TENM3: variants seen among roughly 807,000 people sequenced by gnomAD.
The protein encoded by TENM3 is teneurin transmembrane protein 3.
A neutral mutation model predicts 255.1 loss-of-function variants in TENM3; 63 were observed. That is an observed-to-expected ratio of 0.25 (90% CI 0.20 to 0.30). The LOEUF (loss-of-function observed/expected upper bound fraction) is 0.30, where lower values mean the gene tolerates loss of function less well. Ranked by LOEUF, TENM3 falls within the 10% of genes least tolerant of loss-of-function variation. The probability of loss-of-function intolerance (pLI) is 1.00; values close to 1 mark genes in which losing one functional copy is unlikely to be tolerated. For missense variants in TENM3, 2,929 were observed against 3,461.1 expected (o/e 0.85, Z 3.86); for synonymous variants, 1,306 against 1,322.3 (o/e 0.99, Z 0.27).
chr4:181,728,420 T>C, the TENM3 span, among the ~76,000 whole-genome samples: 1 of 152,208 alleles, frequency 6.6e-6, no homozygotes, highest in African/African-American at 2.4e-5. Flanking sequence ...ATTTCTTGAT[T>C]ATATGCTAAA....
chr4:181,724,440 C>G, the TENM3 span, among the ~76,000 whole-genome samples: 1 of 151,834 alleles, frequency 6.6e-6, no homozygotes, highest in Non-Finnish European at 1.5e-5. Context: ...ATTTTATTTT[C>G]TAATATACTA....
the TENM3 span, among the ~76,000 whole-genome samples, chr4:181,569,649 T>A: frequency 0.18 from 27,672 of 152,028 alleles, 2,911 homozygotes; most frequent in African/African-American, 0.3. Context: ...GGCCCTAAGG[T>A]GTAGGCCTTT....
chr4:181,809,128 A>G, the TENM3 span, among the ~76,000 whole-genome samples: 1 of 152,234 alleles, frequency 6.6e-6, no homozygotes, highest in African/African-American at 2.4e-5. Flanking sequence ...TTCAATGATT[A>G]GTTCACTTGA....
chr4:182,754,535 G>A lies in TENM3; in HGVS notation c.4168G>A (p.Glu1390Lys). The change falls in exon 22 of 28, where the codon GAA becomes AAA. Residue 1390 changes from glutamate to lysine, a missense_variant. By Grantham distance (56) the Glu-to-Lys change is moderately conservative (BLOSUM62 1). Transcript: ENST00000511685. The surrounding 1 kb of genome is among the most constrained non-coding windows in gnomAD (Gnocchi z 5.1). The part of the protein sequence containing the change: ...RPMHCQVPGV[E>K]YPVGKHAVQT... ...CATGCACTGTCAGGTTCCCGGAGTGGAATATCCTGTGGGGAAGCACGCGGT... is the reference window on the plus strand; with the variant it reads ...CATGCACTGTCAGGTTCCCGGAGTGAAATATCCTGTGGGGAAGCACGCGGT... 1 of 1,613,970 alleles carries A rather than the reference G, an allele frequency of 6.2e-7. No individual in the cohort carries two copies. The highest frequency in any genetic ancestry group is 8.5e-7 in the Non-Finnish European group (1 of 1,179,862).
At chr4:182,730,807 C>A in intron 15 of TENM3, 71 bp from the exon 16 acceptor site, 1 of 1,515,872 alleles carries the variant, frequency 6.6e-7, no homozygotes, top group Non-Finnish European at 9.0e-7. Context: ...AGCATATTAA[C>A]TTAAGGAGGT....
chr4:181,526,612 C>G, the TENM3 span, among the ~76,000 whole-genome samples: 1 of 152,088 alleles, frequency 6.6e-6, no homozygotes, highest in Admixed American at 6.5e-5. Context: ...TTCGAGGGCA[C>G]TTACTCTTAA....
the TENM3 span, among the ~76,000 whole-genome samples, chr4:181,624,104 G>A: frequency 2.0e-5 from 3 of 152,172 alleles, no homozygotes; most frequent in Non-Finnish European, 2.9e-5. Context: ...AACCAGCCTA[G>A]CGTCTACTAT....
chr4:182,044,439 C>T, the TENM3 span, among the ~76,000 whole-genome samples: 5 of 152,092 alleles, frequency 3.3e-5, no homozygotes, highest in East Asian at 7.7e-4. Flanking sequence ...CCTAAGGTCA[C>T]GCAGATATTT....
chr4:181,483,214 C>G, the TENM3 span, among the ~76,000 whole-genome samples: 4 of 152,032 alleles, frequency 2.6e-5, no homozygotes, highest in African/African-American at 9.7e-5. Flanking sequence ...AGAACCTGTA[C>G]CGTTTTTGCC....
Position 182,262,863 on chromosome 4 carries a change from A to G in TENM3, c.-76+19387A>G, listed in dbSNP as rs183442098. ...CGAGCAGCTGGGACTACAGGCACCCACCACCACGCCCGGCTAATTGTTTGT... is the reference window on the plus strand; with the variant it reads ...CGAGCAGCTGGGACTACAGGCACCCGCCACCACGCCCGGCTAATTGTTTGT... On this transcript the variant is annotated intron_variant, in intron 1 of 27. Coordinates refer to ENST00000511685, the MANE Select transcript of TENM3 (RefSeq NM_001080477.4). Among the ~76,000 whole-genome samples the G allele has an allele frequency of 5.8e-3, 870 of 151,154 alleles. 7 individuals are homozygous for G. Among genetic ancestry groups the G allele is most frequent in the African/African-American group, 9.8e-3 (404 of 41,112 alleles).
intron 3 of TENM3, among the ~76,000 whole-genome samples, chr4:182,420,375 T>C (rs954686523): frequency 2.0e-5 from 3 of 152,180 alleles, no homozygotes; most frequent in African/African-American, 4.8e-5. Flanking sequence ...CAGTCATCCA[T>C]AGACAATAAT....
chr4:182,448,896 G>C, intron 3 of TENM3: 1 of 313,064 alleles, frequency 3.2e-6, no homozygotes, highest in South Asian at 2.4e-5. Context: ...GGCGCGAAGG[G>C]GTTAAGCGGC....
chr4:181,860,279 T>A, the TENM3 span, among the ~76,000 whole-genome samples: 1 of 152,218 alleles, frequency 6.6e-6, no homozygotes, highest in Non-Finnish European at 1.5e-5. Flanking sequence ...GGGCCATTGC[T>A]TAATTTACTT....
At chr4:182,137,852 A>C in the TENM3 span, among the ~76,000 whole-genome samples, 1 of 152,346 alleles carries the variant, frequency 6.6e-6, no homozygotes, top group South Asian at 2.1e-4. Context: ...AACAAAGTCT[A>C]AGCTCTAAAT....
the TENM3 span, among the ~76,000 whole-genome samples, chr4:181,604,241 G>A: frequency 2.0e-5 from 3 of 152,130 alleles, no homozygotes; most frequent in East Asian, 1.9e-4. Context: ...CTCCAGCCTG[G>A]GCGACAGAGC....
intron 24 of TENM3, among the ~76,000 whole-genome samples, chr4:182,788,542 C>T (rs1239099169): frequency 2.6e-5 from 4 of 152,192 alleles, no homozygotes; most frequent in African/African-American, 9.7e-5. Flanking sequence ...AAGACGCCTT[C>T]TCAAAAAACT....
chr4:181,865,110 T>G, the TENM3 span, among the ~76,000 whole-genome samples: 2 of 152,230 alleles, frequency 1.3e-5, no homozygotes, highest in Non-Finnish European at 2.9e-5. Context: ...TCACCATTCT[T>G]TGGAGCTTAC....
the TENM3 span, among the ~76,000 whole-genome samples, chr4:181,534,664 C>G: frequency 6.6e-6 from 1 of 152,106 alleles, no homozygotes; most frequent in Admixed American, 6.5e-5. Context: ...TCCCAGAGTA[C>G]CTGGCAATGC....
intron 22 of TENM3, among the ~76,000 whole-genome samples, chr4:182,763,336 C>A (rs1463068819): frequency 3.3e-5 from 5 of 152,104 alleles, no homozygotes; most frequent in Non-Finnish European, 7.3e-5. Flanking sequence ...GAGGCTGAGG[C>A]GGGCGGATCA....
Sources: allele counts gnomAD v4.1 joint callset (sites outside exome capture counted in the v4.1 genomes callset), GRCh38; gene constraint gnomAD v4.1.1; non-coding constraint Gnocchi (gnomAD v3.1); transcripts MANE v1.5; gene names NCBI Gene and HGNC (gene_info 2026-07-23, HGNC 2026-07-21).